The following MMRN1 variants were observed in gnomAD, a reference collection of about 807,000 sequenced individuals.
The protein encoded by MMRN1 is multimerin 1, also known as multimerin-1.
In MMRN1, 94 loss-of-function variants were observed where a neutral mutation model predicts 100.7. The ratio of observed to expected loss-of-function variants is 0.93; its 90% CI spans 0.79 to 1.11. The LOEUF is 1.11. MMRN1 is among the 50% of genes least tolerant of loss of function. The probability of loss-of-function intolerance (pLI) is 0.00; values close to 1 mark genes in which losing one functional copy is unlikely to be tolerated. For synonymous variants in MMRN1, 575 were observed against 505.0 expected, an observed-to-expected ratio of 1.14 and a Z score of -1.86; for missense variants, 1,606 against 1,439.1, an observed-to-expected ratio of 1.12 and a Z score of -1.88.
chr4:89,935,922 C>T lies in MMRN1; in HGVS notation c.2242C>T (p.Leu748=). ...TGATTTCATTCAAGATAACTATGCC[C>T]TAAAAGAGACTTTAAGTACTATTAA... ...AIDFIQDNYA[L]KETLSTIKDN... is the part of the protein sequence containing the mutation. The change falls in exon 6 of 8, where the codon CTA becomes TTA. Residue 748 remains leucine (L), a synonymous_variant. Coordinates refer to ENST00000264790, the MANE Select transcript of MMRN1 (RefSeq NM_007351.3). The T allele has an allele frequency of 6.2e-7, 1 of 1,609,574 alleles. No homozygotes were observed. The highest frequency in any genetic ancestry group is 2.2e-5 in the East Asian group (1 of 44,798).
At chr4:89,937,977 A>C (rs772868336) in intron 6 of MMRN1, among the ~76,000 whole-genome samples, 3 of 152,098 alleles carry the variant, frequency 2.0e-5, no homozygotes, top group African/African-American at 4.8e-5. Context: ...AAATATGAAT[A>C]TCTCTTCATT....
At chr4:89,914,297 C>T (rs995572531) in intron 3 of MMRN1, among the ~76,000 whole-genome samples, 2 of 151,320 alleles carry the variant, frequency 1.3e-5, no homozygotes, top group African/African-American at 4.8e-5. Context: ...ACCCTTCTTT[C>T]TATTTCTTTG....
At chr4:89,939,602 G>A (rs1339483071) in intron 6 of MMRN1, among the ~76,000 whole-genome samples, 1 of 152,020 alleles carries the variant, frequency 6.6e-6, no homozygotes, top group Admixed American at 6.6e-5. Flanking sequence ...CCTGCCTAAG[G>A]TCATTCAACT....
chr4:89,901,685 C>A (rs577971306), intron 1 of MMRN1, among the ~76,000 whole-genome samples: 5 of 152,046 alleles, frequency 3.3e-5, no homozygotes, highest in African/African-American at 1.2e-4. Flanking sequence ...TACATTACTG[C>A]CAGTGAAATA....
At chr4:89,948,374 T>C (rs1444423340) in intron 6 of MMRN1, among the ~76,000 whole-genome samples, 1 of 152,160 alleles carries the variant, frequency 6.6e-6, no homozygotes, top group Non-Finnish European at 1.5e-5. Context: ...GAAACATCTA[T>C]ACAGAATAAA....
At position 89,935,981 on chromosome 4, in the gene MMRN1, C is replaced by T. The variant is rs575370257; in HGVS notation, c.2301C>T (p.Ser767=). The T allele has an allele frequency of 5.0e-5, 80 of 1,612,740 alleles. 1 individual carries two copies. Among genetic ancestry groups the T allele is most frequent in the South Asian group, 4.8e-4 (44 of 90,980 alleles). The change falls in exon 6 of 8, where the codon TCC becomes TCT. Residue 767 remains serine (S), a synonymous_variant. Transcript: ENST00000264790. ...GTGAGATCCATCATAAATGTACCTC[C>T]GATATGGAAACTATTTTGACATTTA... ...DNSEIHHKCT[S]DMETILTFIP...
At chr4:89,893,932 T>C (rs925297053), upstream of MMRN1, among the ~76,000 whole-genome samples, 2 of 152,016 alleles carry the variant, frequency 1.3e-5, no homozygotes, top group Non-Finnish European at 2.9e-5. Context: ...AAATGATAAA[T>C]CTCATGAAAC....
chr4:89,950,758 T>A (rs1723139929), intron 6 of MMRN1, among the ~76,000 whole-genome samples: 1 of 152,096 alleles, frequency 6.6e-6, no homozygotes, highest in Admixed American at 6.6e-5. Context: ...GGGGTATCAC[T>A]ATGCTGCTCA....
intron 4 of MMRN1, 79 bp from the exon 5 acceptor site, chr4:89,927,716 T>C: frequency 7.6e-7 from 1 of 1,319,758 alleles, no homozygotes; most frequent in Non-Finnish European, 1.0e-6. Flanking sequence ...AGGGTTTTAG[T>C]TTTTCTCCAT....
At chr4:89,891,686 T>G (rs565444301), upstream of MMRN1, among the ~76,000 whole-genome samples, 4 of 149,888 alleles carry the variant, frequency 2.7e-5, no homozygotes, top group African/African-American at 1.0e-4. Context: ...TTTTCAATAT[T>G]TTTCAAACAC....
chr4:89,880,752 C>T (rs183159913), intron 1 of MMRN1, among the ~76,000 whole-genome samples: 201 of 152,114 alleles, frequency 1.3e-3, no homozygotes, highest in Non-Finnish European at 2.0e-3. Flanking sequence ...AGGCAGTGAC[C>T]CATGTAATCA....
At chr4:89,903,186 T>C (rs1721446542) in intron 1 of MMRN1, among the ~76,000 whole-genome samples, 1 of 151,894 alleles carries the variant, frequency 6.6e-6, no homozygotes, top group Non-Finnish European at 1.5e-5. Context: ...TTCTCATTTA[T>C]GACTAGTGAA....
At chr4:89,891,580 G>A (rs759895147), upstream of MMRN1, among the ~76,000 whole-genome samples, 1 of 151,914 alleles carries the variant, frequency 6.6e-6, no homozygotes, top group Non-Finnish European at 1.5e-5. Context: ...CTAGCACATC[G>A]ACTCATCAAA....
intron 1 of MMRN1, among the ~76,000 whole-genome samples, chr4:89,903,713 A>G (rs919182749): frequency 6.6e-6 from 1 of 151,852 alleles, no homozygotes; most frequent in African/African-American, 2.4e-5. Context: ...TAGATGAGGT[A>G]GTCACTTTTG....
In MMRN1 at chr4:89,935,100, T is replaced by C; in HGVS notation, c.1420T>C (p.Cys474Arg). The C allele has an allele frequency of 6.2e-7, 1 of 1,613,684 alleles. No homozygotes were observed. Among genetic ancestry groups the C allele is most frequent in the Middle Eastern group, 1.7e-4 (1 of 6,056 alleles). ...VNVRQEMTLTCEKPIKELEVK... is the reference protein window; with the variant it reads ...VNVRQEMTLTREKPIKELEVK... ...TGTAAGGCAAGAAATGACTCTTACA[T>C]GTGAGAAGCCTATTAAAGAACTAGA... Residue 474 changes from cysteine (C) to arginine (R), a missense_variant, in exon 6 of 8, where the codon TGT (cysteine) becomes CGT (arginine). Transcript: ENST00000264790.
Position 89,936,287 on chromosome 4 carries a change from T to C in MMRN1, c.2607T>C (p.Val869=). 3.7e-6 allele frequency: 6 copies of C among 1,611,560 alleles called. No individual in the cohort carries two copies. The highest frequency in any genetic ancestry group is 5.1e-6 in the Non-Finnish European group (6 of 1,179,244). The change falls in exon 6 of 8, where the codon GTT becomes GTC. Residue 869 remains valine, a synonymous_variant. Transcript: ENST00000264790. ...ETRLQDIESK[V]TQTLIPYYIS... is the part of the protein sequence containing the mutation. The stretch of plus-strand genomic sequence containing the variant: ...GGTTGCAAGACATTGAGTCTAAAGT[T>C]ACCCAGACGCTCATACCTTATTATA...
chr4:89,887,947 CTTCT>C (rs1720973046), intron 1 of MMRN1, among the ~76,000 whole-genome samples: 2 of 151,904 alleles, frequency 1.3e-5, no homozygotes, highest in Admixed American at 6.6e-5. Flanking sequence ...TCTCTCTCTT[CTTCT>C]TTATTTCCTC....
At chr4:89,913,157 T>A (rs1216483791) in intron 3 of MMRN1, among the ~76,000 whole-genome samples, 1 of 151,234 alleles carries the variant, frequency 6.6e-6, no homozygotes, top group Non-Finnish European at 1.5e-5. Context: ...TACACAAATA[T>A]ATACTCACAA....
intron 2 of MMRN1, among the ~76,000 whole-genome samples, chr4:89,911,125 A>G (rs1431156706): frequency 6.6e-6 from 1 of 151,502 alleles, no homozygotes; most frequent in Non-Finnish European, 1.5e-5. Flanking sequence ...TAAGCAAGAT[A>G]GTATGTACCC....
Sources: allele counts gnomAD v4.1 joint callset (sites outside exome capture counted in the v4.1 genomes callset), GRCh38; gene constraint gnomAD v4.1.1; transcripts MANE v1.5; gene names NCBI Gene and HGNC (gene_info 2026-07-23, HGNC 2026-07-21).